The following SLC9A9 variants were observed in gnomAD, a reference collection of about 807,000 sequenced individuals.
SLC9A9 encodes solute carrier family 9 member A9, also known as sodium/hydrogen exchanger 9.
In SLC9A9, 62 loss-of-function variants were observed where a neutral mutation model predicts 77.8. The ratio of observed to expected loss-of-function variants is 0.80; its 90% CI spans 0.65 to 0.98. The LOEUF is 0.98. SLC9A9 is among the 50% of genes least tolerant of loss of function. The pLI is 0.00. For missense variants in SLC9A9, 775 were observed against 774.9 expected (o/e 1.00, Z 0.00); for synonymous variants, 320 against 283.5 (o/e 1.13, Z -1.29).
At chr3:143,534,037 C>A (rs945322284) in intron 9 of SLC9A9, among the ~76,000 whole-genome samples, 2 of 152,068 alleles carry the variant, frequency 1.3e-5, no homozygotes, top group Non-Finnish European at 2.9e-5. Context: ...AATCACCTTG[C>A]CCATATTTCA....
At chr3:143,351,262 C>T (rs1215676057) in intron 14 of SLC9A9, among the ~76,000 whole-genome samples, 2 of 152,170 alleles carry the variant, frequency 1.3e-5, no homozygotes, top group African/African-American at 2.4e-5. Context: ...TAGGAACCCA[C>T]TAAATTGCTT....
chr3:143,397,032 G>A (rs774031592), intron 12 of SLC9A9, among the ~76,000 whole-genome samples: 1 of 152,202 alleles, frequency 6.6e-6, no homozygotes, highest in Non-Finnish European at 1.5e-5. Flanking sequence ...TGTACTTTAT[G>A]TTTGGCACAA....
At chr3:143,515,529 T>A (rs576196922) in intron 9 of SLC9A9, among the ~76,000 whole-genome samples, 29 of 152,380 alleles carry the variant, frequency 1.9e-4, no homozygotes, top group Non-Finnish European at 1.0e-4. Flanking sequence ...CGATGTTTTC[T>A]ACAGTTTTTT....
intron 9 of SLC9A9, among the ~76,000 whole-genome samples, chr3:143,551,217 G>T (rs2036877225): frequency 6.6e-6 from 1 of 152,070 alleles, no homozygotes; most frequent in Admixed American, 6.6e-5. Context: ...AGATAGAACA[G>T]ATTCTCCTCC....
chr3:143,267,503 C>T (rs1937764982), intron 15 of SLC9A9, among the ~76,000 whole-genome samples: 1 of 151,958 alleles, frequency 6.6e-6, no homozygotes, highest in African/African-American at 2.4e-5. Context: ...GCATGTGCCA[C>T]CATCACATCT....
chr3:143,695,854 C>T (rs139063428), intron 4 of SLC9A9, among the ~76,000 whole-genome samples: 11 of 152,138 alleles, frequency 7.2e-5, no homozygotes, highest in South Asian at 2.1e-4. Context: ...TTCTAACTGG[C>T]GTGAGATGGT....
intron 12 of SLC9A9, among the ~76,000 whole-genome samples, chr3:143,457,517 C>CT (rs2035115112): frequency 6.6e-6 from 1 of 151,994 alleles, no homozygotes; most frequent in African/African-American, 2.4e-5. Context: ...GGGTTTAGTT[C>CT]ACTCTCTCAA....
intron 8 of SLC9A9, among the ~76,000 whole-genome samples, chr3:143,570,298 C>T (rs868279663): frequency 5.3e-5 from 8 of 151,774 alleles, no homozygotes; most frequent in Non-Finnish European, 7.4e-5. Context: ...AAATGTAAAC[C>T]GGAAGAAAAT....
intron 9 of SLC9A9, 43 bp downstream of exon 9, chr3:143,552,319 A>C (rs376036995): frequency 1.2e-5 from 17 of 1,435,294 alleles, no homozygotes; most frequent in Non-Finnish European, 1.6e-5. Flanking sequence ...TAACCATTTC[A>C]CTGAGAAAAG....
intron 9 of SLC9A9, among the ~76,000 whole-genome samples, chr3:143,515,637 C>T (rs28679565): frequency 0.22 from 33,803 of 151,958 alleles, 4,878 homozygotes; most frequent in Non-Finnish European, 0.33. Flanking sequence ...CTATTAAATG[C>T]GTTTTCTGTA....
At chr3:143,645,172 C>A (rs940208698) in intron 6 of SLC9A9, among the ~76,000 whole-genome samples, 3 of 152,174 alleles carry the variant, frequency 2.0e-5, no homozygotes, top group African/African-American at 4.8e-5. Context: ...TCTATGAACT[C>A]ATTCATTCAG....
At chr3:143,794,317 G>A (rs906534928) in intron 4 of SLC9A9, among the ~76,000 whole-genome samples, 1 of 113,462 alleles carries the variant, frequency 8.8e-6, no homozygotes, top group Admixed American at 8.9e-5. Context: ...CATAGTACCT[G>A]GACATTTTTT....
chr3:143,779,432 C>T (rs940200592), intron 4 of SLC9A9, among the ~76,000 whole-genome samples: 6 of 152,092 alleles, frequency 3.9e-5, no homozygotes, highest in African/African-American at 1.4e-4. Flanking sequence ...CGTGAAGTGG[C>T]ACAATCTCGG....
At chr3:143,374,295 G>A (rs1399809233) in intron 13 of SLC9A9, among the ~76,000 whole-genome samples, 1 of 151,618 alleles carries the variant, frequency 6.6e-6, no homozygotes, top group Non-Finnish European at 1.5e-5. Context: ...CGTGGTGGCG[G>A]GCGCCTGTAG....
chr3:143,512,080 T>C (rs114682789), intron 9 of SLC9A9, among the ~76,000 whole-genome samples: 3,086 of 152,294 alleles, frequency 0.02, 97 homozygotes, highest in African/African-American at 0.069. Context: ...ACCATATTCG[T>C]TTTGTTTGTC....
intron 11 of SLC9A9, among the ~76,000 whole-genome samples, chr3:143,475,248 T>G (rs1470730529): frequency 6.6e-6 from 1 of 151,492 alleles, no homozygotes; most frequent in Non-Finnish European, 1.5e-5. Flanking sequence ...ATTACAGGCG[T>G]GAGCCACTGT....
intron 4 of SLC9A9, among the ~76,000 whole-genome samples, chr3:143,718,033 G>A (rs1004664074): frequency 2.0e-5 from 3 of 151,846 alleles, no homozygotes; most frequent in Admixed American, 2.0e-4. Flanking sequence ...AATCCAGATG[G>A]TTATAGAAAG....
intron 5 of SLC9A9, among the ~76,000 whole-genome samples, chr3:143,662,018 A>G (rs1357589087): frequency 1.3e-5 from 2 of 152,198 alleles, no homozygotes; most frequent in Non-Finnish European, 2.9e-5. Flanking sequence ...ACCATCACTG[A>G]CCACAAACTT....
intron 14 of SLC9A9, among the ~76,000 whole-genome samples, chr3:143,275,897 T>G (rs925143104): frequency 9.2e-5 from 14 of 152,242 alleles, no homozygotes; most frequent in Non-Finnish European, 4.4e-5. Flanking sequence ...TTCATTTTCC[T>G]AAGAGAATGA....
Sources: gnomAD v4.1 joint callset for allele counts (sites outside exome capture counted in the v4.1 genomes callset) on GRCh38, gnomAD v4.1.1 for gene constraint, MANE v1.5 for transcripts, NCBI Gene and HGNC (gene_info 2026-07-23, HGNC 2026-07-21) for gene names.